The following MAX variants were observed in gnomAD, a reference collection of about 807,000 sequenced individuals.
The protein encoded by MAX is MYC associated transcriptional regulator X, also known as protein max.
MAX carries 3 observed loss-of-function variants against 22.3 expected under a neutral mutation model. That is an observed-to-expected ratio of 0.13 (90% CI 0.06 to 0.35). The LOEUF (loss-of-function observed/expected upper bound fraction) is 0.35. MAX is among the 10% of genes least tolerant of loss of function. The pLI is 1.00. For missense variants in MAX, 119 were observed against 209.4 expected, an observed-to-expected ratio of 0.57 and a Z score of 2.66; for synonymous variants, 72 against 77.7, an observed-to-expected ratio of 0.93 and a Z score of 0.39.
chr14:65,074,819 C>T (rs377425895), downstream of MAX, among the ~76,000 whole-genome samples: 17 of 152,328 alleles, frequency 1.1e-4, no homozygotes, highest in East Asian at 1.7e-3. Flanking sequence ...CTCTGGGCTA[C>T]CAATTCCCCC....
rs2062968397 is a variant in MAX at position 65,069,920 on chromosome 14, C to G, written c.171+23788G>C. Among the ~76,000 whole-genome samples the G allele has an allele frequency of 6.6e-6, 1 of 152,276 alleles. No homozygotes were observed. Among genetic ancestry groups the G allele is most frequent in the Non-Finnish European group, 1.5e-5 (1 of 68,054 alleles). On this transcript the variant is annotated intron_variant, in intron 3 of 3. Transcript: ENST00000341653. The surrounding 1 kb of genome is among the most constrained non-coding windows in gnomAD (Gnocchi z 4.6). ...GTGGACATGACATTCCTCCTCTTAG[C>G]TGGCTGGTCTTGTTGTGGCCTTTTG...
chr14:65,010,006 G>A (rs1402964385), intron 3 of MAX, among the ~76,000 whole-genome samples: 1 of 152,102 alleles, frequency 6.6e-6, no homozygotes, highest in Non-Finnish European at 1.5e-5. Context: ...GGACTTTCCT[G>A]AAAGAGAAAC....
rs745940200 is a variant in MAX, at chr14:65,029,161, C to T, written c.172-22877G>A. ...TGGGTGATGCTCTGCCATTCGTGCC[C>T]GTGCTTTCTATTTACATAAAGGATT... On this transcript the variant is annotated intron_variant, in intron 3 of 3. Transcript: ENST00000341653. This position sits in a 1 kb window ranked among gnomAD's most constrained non-coding sequence, Gnocchi z 4.7. 2.4e-4 allele frequency among the ~76,000 whole-genome samples: 36 copies of T among 152,138 alleles called. No individual in the cohort carries two copies. Among genetic ancestry groups the T allele is most frequent in the Admixed American group, 1.6e-3 (24 of 15,270 alleles).
intron 2 of MAX, among the ~76,000 whole-genome samples, chr14:65,096,625 C>T (rs1226799797): frequency 6.6e-6 from 1 of 151,952 alleles, no homozygotes; most frequent in Non-Finnish European, 1.5e-5. Flanking sequence ...TTGAGAGGGC[C>T]AAGATTTCAG....
At position 65,084,372 on chromosome 14, in the gene MAX, T is replaced by C; in HGVS notation, c.172-6336A>G. The C allele has an allele frequency of 2.1e-6, 2 of 971,950 alleles. No individual in the cohort carries two copies. The highest frequency in any genetic ancestry group is 1.3e-5 in the South Asian group (1 of 74,368). The allele number at this position is 971,950 out of a possible 1,614,324, so 60.2% of individuals were successfully genotyped here. A position where few individuals can be genotyped will look rare whatever the true frequency, so the allele number is the denominator to read the frequency against. On this transcript the variant is annotated intron_variant, in intron 3 of 4. Coordinates refer to ENST00000358664, the MANE Select transcript of MAX (RefSeq NM_002382.5). The surrounding 1 kb of genome is among the most constrained non-coding windows in gnomAD (Gnocchi z 4.3). The stretch of plus-strand genomic sequence containing the variant: ...TAGAATACAAAATTACTAACTTTTG[T>C]TTACTGAATTAGTTACCCTCTTCCA...
chr14:65,018,988 T>C (rs975718263), intron 3 of MAX, among the ~76,000 whole-genome samples: 2 of 151,946 alleles, frequency 1.3e-5, no homozygotes, highest in African/African-American at 4.8e-5. Flanking sequence ...CGCATGCCTG[T>C]AATCCTACTC....
Position 65,009,641 on chromosome 14 carries a change from C to T in MAX, c.172-3357G>A, listed in dbSNP as rs903489699. Among the ~76,000 whole-genome samples, 8 of 152,184 alleles carry T rather than the reference C, an allele frequency of 5.3e-5. No homozygotes were observed. The highest frequency in any genetic ancestry group is 1.7e-4 in the African/African-American group (7 of 41,428). ...CCTCCATCCTCTTTACAGACCTTCC[C>T]TATGGATTTCCTCTGAGCTTTTGCA... is the stretch of plus-strand genomic sequence containing the variant. On this transcript the variant is annotated intron_variant, in intron 3 of 3. Transcript: ENST00000341653. This position sits in a 1 kb window ranked among gnomAD's most constrained non-coding sequence, Gnocchi z 4.2.
At chr14:65,096,662 A>G (rs951071642) in intron 2 of MAX, among the ~76,000 whole-genome samples, 2 of 151,960 alleles carry the variant, frequency 1.3e-5, no homozygotes, top group African/African-American at 4.8e-5. Context: ...CTGGGTGAAG[A>G]CTCCCAGTGT....
At chr14:65,019,175 A>AAAAAAG (rs549542967) in intron 3 of MAX, among the ~76,000 whole-genome samples, 80 of 151,890 alleles carry the variant, frequency 5.3e-4, no homozygotes, top group African/African-American at 1.8e-3. Context: ...CTCCATCTCA[A>AAAAAAG]AAAAAGAAAA....
At chr14:65,072,887 T>G (rs1044669029), downstream of MAX, among the ~76,000 whole-genome samples, 16 of 152,216 alleles carry the variant, frequency 1.1e-4, no homozygotes, top group African/African-American at 3.6e-4. Flanking sequence ...CCTTGCTCTC[T>G]TTAGTCACTG....
chr14:65,057,259 T>C (rs2062756345), intron 3 of MAX, among the ~76,000 whole-genome samples: 1 of 152,178 alleles, frequency 6.6e-6, no homozygotes, highest in Non-Finnish European at 1.5e-5. Context: ...TTTTGGTGTT[T>C]TTTTGTTAAA....
chr14:65,024,480 T>C (rs971757006), intron 3 of MAX, among the ~76,000 whole-genome samples: 1 of 152,234 alleles, frequency 6.6e-6, no homozygotes, highest in African/African-American at 2.4e-5. Flanking sequence ...CTCTGTATTC[T>C]TTTATTAGCT....
chr14:65,102,523 A>T (rs2063883524), upstream of MAX: 2 of 1,458,004 alleles, frequency 1.4e-6, no homozygotes, highest in Non-Finnish European at 1.8e-6. Flanking sequence ...TCACTGCAGC[A>T]CCGGATCAAC....
chr14:65,092,137 T>C (rs1379238918), intron 3 of MAX, among the ~76,000 whole-genome samples: 1 of 152,230 alleles, frequency 6.6e-6, no homozygotes, highest in Admixed American at 6.5e-5. Context: ...AAGGTATAGT[T>C]GTGATCCTAT....
intron 3 of MAX, among the ~76,000 whole-genome samples, chr14:65,036,527 A>C (rs1443362467): frequency 6.6e-6 from 1 of 151,962 alleles, no homozygotes; most frequent in Admixed American, 6.6e-5. Flanking sequence ...GTGAGCCACC[A>C]CACCCAGCCT....
chr14:65,055,970 T>C (rs1424196846), intron 3 of MAX, among the ~76,000 whole-genome samples: 6 of 152,212 alleles, frequency 3.9e-5, no homozygotes, highest in Non-Finnish European at 8.8e-5. Flanking sequence ...TTGCCTCTTA[T>C]GTAGCCCTCT....
intron 1 of MAX, 115 bp downstream of exon 1, chr14:65,102,189 G>T (rs532258112): frequency 1.9e-6 from 3 of 1,547,320 alleles, no homozygotes; most frequent in African/African-American, 2.7e-5. Flanking sequence ...GCCCCGAGGG[G>T]AAGGGGAAGG....
intron 3 of MAX, among the ~76,000 whole-genome samples, chr14:65,024,537 A>G (rs11620955): frequency 0.57 from 86,977 of 152,028 alleles, 25,575 homozygotes; most frequent in African/African-American, 0.71. Flanking sequence ...GATCCATGAT[A>G]TAGAAGATAG....
At chr14:65,006,433 G>T (rs2061591799) in intron 3 of MAX, 5 of 1,311,964 alleles carry the variant, frequency 3.8e-6, no homozygotes, top group Non-Finnish European at 5.2e-6. Flanking sequence ...ATTAGCAAAT[G>T]ACGCCATTTA....
Sources: allele counts gnomAD v4.1 joint callset (sites outside exome capture counted in the v4.1 genomes callset), GRCh38; gene constraint gnomAD v4.1.1; non-coding constraint Gnocchi (gnomAD v3.1); transcripts MANE v1.5; gene names NCBI Gene and HGNC (gene_info 2026-07-23, HGNC 2026-07-21).